Variants in LHX4 observed in about 807,000 individuals in gnomAD.
LHX4 encodes the protein LIM homeobox 4.
In LHX4, 16 loss-of-function variants were observed where a neutral mutation model predicts 39.2. The observed-to-expected ratio is 0.41, with a 90% CI of 0.28 to 0.62. The LOEUF (loss-of-function observed/expected upper bound fraction) is 0.62, where lower values mean the gene tolerates loss of function less well. Among genes scored for constraint, LHX4 ranks in the 20% least tolerant of loss-of-function variants. LHX4 has a pLI of 0.33. For missense variants in LHX4, 439 were observed against 511.9 expected (o/e 0.86, Z 1.37); for synonymous variants, 206 against 198.1 (o/e 1.04, Z -0.33).
chr1:180,254,903 G>T (rs1176675427), intron 2 of LHX4, among the ~76,000 whole-genome samples: 2 of 152,202 alleles, frequency 1.3e-5, no homozygotes, highest in Admixed American at 1.3e-4. Flanking sequence ...GAGGAGGAAA[G>T]AAGACAGCAG....
rs769183650 is a variant in LHX4, at chr1:180,274,626, T to A, written c.*47T>A. ...CCTGCCCCCCTGGCTTGAGAGAATA[T>A]CTTCAAGGATCAAAAGAGACTTGCC... is the stretch of plus-strand genomic sequence containing the variant. On this transcript the variant is annotated 3_prime_UTR_variant, in exon 6 of 6. Transcript: ENST00000263726. 3.4e-5 allele frequency: 51 copies of A among 1,501,916 alleles called. 1 individual carries two copies. The highest frequency in any genetic ancestry group is 3.6e-4 in the Middle Eastern group (2 of 5,528). 93.0% of individuals were successfully genotyped at this position (1,501,916 alleles called of 1,614,324 possible).
intron 2 of LHX4, among the ~76,000 whole-genome samples, chr1:180,264,107 G>A (rs1032078131): frequency 2.0e-5 from 3 of 152,040 alleles, no homozygotes; most frequent in Admixed American, 2.0e-4. Context: ...TGGGACTACA[G>A]GTGCACACCA....
intron 1 of LHX4, among the ~76,000 whole-genome samples, chr1:180,242,389 G>A (rs1383026242): frequency 1.3e-5 from 2 of 152,172 alleles, no homozygotes; most frequent in East Asian, 3.9e-4. Context: ...TGTGTCTCAA[G>A]GTGTATCTTT....
At chr1:180,229,486 C>G (rs1038980535), upstream of LHX4, among the ~76,000 whole-genome samples, 7 of 152,132 alleles carry the variant, frequency 4.6e-5, no homozygotes, top group Non-Finnish European at 1.0e-4. Flanking sequence ...CAGCCCGGGC[C>G]GGCGCCGCCC....
chr1:180,262,993 C>T (rs1171085178), intron 2 of LHX4, among the ~76,000 whole-genome samples: 8 of 152,324 alleles, frequency 5.3e-5, no homozygotes, highest in Non-Finnish European at 4.4e-5. Flanking sequence ...TCCCCAGAGG[C>T]CTGGCTAGCA....
intron 2 of LHX4, among the ~76,000 whole-genome samples, chr1:180,253,899 T>G (rs1018837919): frequency 6.6e-6 from 1 of 151,732 alleles, no homozygotes; most frequent in South Asian, 2.1e-4. Context: ...AGCTCCTCAG[T>G]TAGTGGGGGG....
chr1:180,230,475 G>C lies in LHX4; in HGVS notation c.-55G>C. ...ATTTTGAAATTTCTGAATCGAGCTAGAGCGAGAGAGCGAGAGATCTCCGTA... is the reference window on the plus strand; with the variant it reads ...ATTTTGAAATTTCTGAATCGAGCTACAGCGAGAGAGCGAGAGATCTCCGTA... On this transcript the variant is annotated 5_prime_UTR_variant, in exon 1 of 6. Coordinates refer to ENST00000263726, the MANE Select transcript of LHX4 (RefSeq NM_033343.4). The surrounding 1 kb of genome is among the most constrained non-coding windows in gnomAD (Gnocchi z 5.8). 1 of 1,428,132 alleles carries C rather than the reference G, an allele frequency of 7.0e-7. No individual in the cohort carries two copies. The highest frequency in any genetic ancestry group is 1.4e-5 in the African/African-American group (1 of 71,366). The allele number at this position is 1,428,132 out of a possible 1,614,324, so 88.5% of individuals were successfully genotyped here. A position where few individuals can be genotyped will look rare whatever the true frequency, so the allele number is the denominator to read the frequency against.
rs1249343243 is a variant in LHX4 at position 180,278,854 on chromosome 1, AC to A, written c.*4278del. On this transcript the variant is annotated 3_prime_UTR_variant, in exon 6 of 6. Coordinates refer to ENST00000263726, the MANE Select transcript of LHX4 (RefSeq NM_033343.4). ...AGAAAAAAAGAAAAAAAAAAGACCC[AC>A]CCATCCTTATTTATTGCCATATGAC... is the stretch of plus-strand genomic sequence containing the variant. 6.6e-6 allele frequency: 1 copy of A among 151,874 alleles called. No homozygotes were observed. The highest frequency in any genetic ancestry group is 1.5e-5 in the Non-Finnish European group (1 of 67,968). 9.4% of individuals were successfully genotyped at this position (151,874 alleles called of 1,614,324 possible). A position where few individuals can be genotyped will look rare whatever the true frequency, so the allele number is the denominator to read the frequency against.
intron 1 of LHX4, among the ~76,000 whole-genome samples, chr1:180,237,592 G>C (rs1664355238): frequency 6.6e-6 from 1 of 152,102 alleles, no homozygotes; most frequent in African/African-American, 2.4e-5. Flanking sequence ...CGTCTTGGGA[G>C]GTGAGTCCTA....
chr1:180,251,426 C>G (rs1647625135), intron 2 of LHX4, among the ~76,000 whole-genome samples: 1 of 152,244 alleles, frequency 6.6e-6, no homozygotes, highest in Non-Finnish European at 1.5e-5. Flanking sequence ...GGAGCCATCA[C>G]TTCCTGTCTC....
In LHX4 at chr1:180,230,511, C is replaced by G; in HGVS notation, c.-19C>G. The G allele has an allele frequency of 6.2e-7, 1 of 1,609,452 alleles. No homozygotes were observed. The highest frequency in any genetic ancestry group is 8.5e-7 in the Non-Finnish European group (1 of 1,176,348). ...CGAGAGATCTCCGTAGACTGCGACT[C>G]GCTGGCTTTCGCTCCGAGATGATGC... On this transcript the variant is annotated 5_prime_UTR_variant, in exon 1 of 6. Coordinates refer to ENST00000263726, the MANE Select transcript of LHX4 (RefSeq NM_033343.4). This position sits in a 1 kb window ranked among gnomAD's most constrained non-coding sequence, Gnocchi z 5.8.
chr1:180,271,307 A>G (rs1203571241), intron 3 of LHX4, 73 bp from the exon 4 acceptor site: 1 of 1,539,658 alleles, frequency 6.5e-7, no homozygotes, highest in African/African-American at 1.4e-5. Context: ...GAAAGGATGG[A>G]AGGGAGGGTG....
At chr1:180,243,941 C>T (rs114083694) in intron 1 of LHX4, among the ~76,000 whole-genome samples, 87 of 152,296 alleles carry the variant, frequency 5.7e-4, no homozygotes, top group African/African-American at 2.0e-3. Flanking sequence ...CCCTTGAGCT[C>T]TCAGGTTGGG....
At chr1:180,263,465 T>C (rs1223073141) in intron 2 of LHX4, among the ~76,000 whole-genome samples, 2 of 145,700 alleles carry the variant, frequency 1.4e-5, no homozygotes, top group East Asian at 2.1e-4. Flanking sequence ...AGGGCTGGGC[T>C]GGGCCGGGGG....
At chr1:180,268,184 C>G (rs1399750105) in intron 3 of LHX4, among the ~76,000 whole-genome samples, 1 of 152,216 alleles carries the variant, frequency 6.6e-6, no homozygotes, top group African/African-American at 2.4e-5. Context: ...TGAACCATCA[C>G]AGCAGATGGA....
At position 180,274,663 on chromosome 1, in the gene LHX4, G is replaced by T; in HGVS notation, c.*84G>T. 2 of 1,414,716 alleles carry T rather than the reference G, an allele frequency of 1.4e-6. No individual in the cohort carries two copies. The highest frequency in any genetic ancestry group is 1.9e-6 in the Non-Finnish European group (2 of 1,056,120). 87.6% of individuals were successfully genotyped at this position (1,414,716 alleles called of 1,614,324 possible). A position where few individuals can be genotyped will look rare whatever the true frequency, so the allele number is the denominator to read the frequency against. On this transcript the variant is annotated 3_prime_UTR_variant, in exon 6 of 6. Coordinates refer to ENST00000263726, the MANE Select transcript of LHX4 (RefSeq NM_033343.4). The stretch of plus-strand genomic sequence containing the variant: ...AAAAGAGACTTGCCTTTTAAGGATC[G>T]AAAGTACGCCAATGTGAATTTCCAT...
chr1:180,249,618 G>A (rs1647519993), intron 2 of LHX4, among the ~76,000 whole-genome samples: 1 of 152,232 alleles, frequency 6.6e-6, no homozygotes, highest in African/African-American at 2.4e-5. Context: ...GATGGGGGTT[G>A]AGGGGGAGTA....
intron 2 of LHX4, among the ~76,000 whole-genome samples, chr1:180,257,111 A>G (rs1207768123): frequency 6.6e-6 from 1 of 152,202 alleles, no homozygotes; most frequent in African/African-American, 2.4e-5. Context: ...TGCCCCCAGC[A>G]GGGAAGGAGA....
At chr1:180,246,062 A>G (rs182373023) in intron 1 of LHX4, among the ~76,000 whole-genome samples, 189 of 152,190 alleles carry the variant, frequency 1.2e-3, no homozygotes, top group Admixed American at 2.6e-3. Context: ...GGGACACCTG[A>G]TAGTTTTCAT....
Sources: gnomAD v4.1 joint callset for allele counts (sites outside exome capture counted in the v4.1 genomes callset) on GRCh38, gnomAD v4.1.1 for gene constraint, Gnocchi (gnomAD v3.1) non-coding constraint, MANE v1.5 for transcripts, NCBI Gene and HGNC (gene_info 2026-07-23, HGNC 2026-07-21) for gene names.